Variants in MRTFB observed in about 807,000 individuals in gnomAD.
MRTFB encodes myocardin related transcription factor B, also known as myocardin-related transcription factor B.
In MRTFB, 29 loss-of-function variants were observed where a neutral mutation model predicts 104.2. The observed-to-expected ratio is 0.28, with a 90% CI of 0.21 to 0.38. The LOEUF (loss-of-function observed/expected upper bound fraction) is 0.38. Among genes scored for constraint, MRTFB ranks in the 10% least tolerant of loss-of-function variants. The pLI is 1.00. For synonymous variants in MRTFB, 535 were observed against 519.5 expected (o/e 1.03, Z -0.41); for missense variants, 1,270 against 1,341.6 (o/e 0.95, Z 0.83).
At chr16:14,224,472 T>C (rs963185296) in intron 8 of MRTFB, among the ~76,000 whole-genome samples, 1 of 152,196 alleles carries the variant, frequency 6.6e-6, no homozygotes, top group African/African-American at 2.4e-5. Context: ...GTGCAGCCCA[T>C]TGTTGACCAC....
chr16:14,124,183 C>A (rs1423805405), intron 2 of MRTFB, among the ~76,000 whole-genome samples: 3 of 152,148 alleles, frequency 2.0e-5, no homozygotes, highest in African/African-American at 7.2e-5. Context: ...ATGGGGTTTT[C>A]TAAATATATA....
At chr16:14,233,781 CAAAAA>C (rs1007606658) in intron 8 of MRTFB, among the ~76,000 whole-genome samples, 2 of 49,994 alleles carry the variant, frequency 4.0e-5, no homozygotes, top group African/African-American at 7.0e-5. Context: ...GACTCCCTCT[CAAAAA>C]AAAAAAAAAA....
chr16:14,158,628 T>C (rs2038916644), intron 3 of MRTFB, among the ~76,000 whole-genome samples: 1 of 152,200 alleles, frequency 6.6e-6, no homozygotes, highest in Non-Finnish European at 1.5e-5. Flanking sequence ...GATGCTTTTA[T>C]TTTTTATGTA....
At chr16:14,029,445 T>C in the MRTFB span, among the ~76,000 whole-genome samples, 15,323 of 85,778 alleles carry the variant, frequency 0.18, 3,009 homozygotes, top group African/African-American at 0.5. Flanking sequence ...TATATATATA[T>C]ACACACACAC....
At chr16:14,184,384 A>T (rs1207679639) in intron 3 of MRTFB, among the ~76,000 whole-genome samples, 1 of 152,030 alleles carries the variant, frequency 6.6e-6, no homozygotes, top group Admixed American at 6.6e-5. Context: ...TACCATGCCC[A>T]GCTAATTTTT....
At chr16:14,189,444 A>G (rs1454667085) in intron 3 of MRTFB, among the ~76,000 whole-genome samples, 1 of 152,294 alleles carries the variant, frequency 6.6e-6, no homozygotes, top group East Asian at 1.9e-4. Flanking sequence ...CAGTTGTTCA[A>G]ATACTTTTGG....
At chr16:14,004,628 T>G in the MRTFB span, among the ~76,000 whole-genome samples, 8 of 152,078 alleles carry the variant, frequency 5.3e-5, no homozygotes, top group Non-Finnish European at 1.2e-4. Flanking sequence ...TTGGATGACA[T>G]TGAGACCTGA....
chr16:14,225,244 T>C (rs1389132245), intron 8 of MRTFB, among the ~76,000 whole-genome samples: 1 of 152,190 alleles, frequency 6.6e-6, no homozygotes, highest in Non-Finnish European at 1.5e-5. Flanking sequence ...ATTATAATTT[T>C]GGTCTGTAAC....
chr16:14,140,921 T>G, intron 3 of MRTFB, 161 bp downstream of exon 3: 1 of 629,300 alleles, frequency 1.6e-6, no homozygotes, highest in South Asian at 2.4e-5. Flanking sequence ...CAGGCAGAAT[T>G]TCACTTTCCA....
At chr16:14,158,880 G>A (rs746339391) in intron 3 of MRTFB, among the ~76,000 whole-genome samples, 5 of 151,582 alleles carry the variant, frequency 3.3e-5, no homozygotes, top group Non-Finnish European at 7.4e-5. Flanking sequence ...GCCTGTAATC[G>A]CAGCCACTTG....
chr16:14,038,896 A>G, the MRTFB span, among the ~76,000 whole-genome samples: 35 of 152,178 alleles, frequency 2.3e-4, no homozygotes, highest in Non-Finnish European at 3.8e-4. Flanking sequence ...CAAAAGGCAC[A>G]TCTTACATGG....
the MRTFB span, among the ~76,000 whole-genome samples, chr16:14,042,578 A>T: frequency 1.3e-5 from 2 of 152,232 alleles, no homozygotes; most frequent in African/African-American, 4.8e-5. Context: ...CCCAAATCAC[A>T]GGGCTCATCA....
At chr16:14,233,182 G>A (rs375058277) in intron 8 of MRTFB, among the ~76,000 whole-genome samples, 1 of 152,124 alleles carries the variant, frequency 6.6e-6, no homozygotes, top group African/African-American at 2.4e-5. Context: ...GTTAATTTTG[G>A]CCTGGGTAAC....
At chr16:14,223,991 G>C (rs769977720) in intron 8 of MRTFB, among the ~76,000 whole-genome samples, 3 of 152,158 alleles carry the variant, frequency 2.0e-5, no homozygotes, top group African/African-American at 7.2e-5. Flanking sequence ...ACAGTTCCAC[G>C]GGCTGTACAG....
intron 10 of MRTFB, among the ~76,000 whole-genome samples, chr16:14,245,129 G>A (rs531626679): frequency 1.1e-4 from 17 of 152,274 alleles, no homozygotes; most frequent in African/African-American, 2.9e-4. Flanking sequence ...TCAAGGGTCC[G>A]GGTATGCAGA....
At chr16:14,059,472 A>C in the MRTFB span, among the ~76,000 whole-genome samples, 1 of 152,098 alleles carries the variant, frequency 6.6e-6, no homozygotes, top group Admixed American at 6.6e-5. Context: ...TTTTAGTATA[A>C]GTGTTAGGAT....
intron 14 of MRTFB, 125 bp from the exon 15 acceptor site, chr16:14,252,240 A>G: frequency 2.1e-6 from 3 of 1,436,672 alleles, no homozygotes; most frequent in Non-Finnish European, 2.8e-6. Context: ...ACAGGTGCTT[A>G]AAAGAACCTG....
the MRTFB span, among the ~76,000 whole-genome samples, chr16:14,054,270 G>A: frequency 1.3e-5 from 2 of 152,050 alleles, no homozygotes; most frequent in Non-Finnish European, 2.9e-5. Flanking sequence ...AGGCTGGAGT[G>A]CAGTGGTGCA....
the MRTFB span, among the ~76,000 whole-genome samples, chr16:14,059,051 C>G: frequency 6.6e-6 from 1 of 152,006 alleles, no homozygotes; most frequent in Non-Finnish European, 1.5e-5. Context: ...CTTTGTATAA[C>G]TCATTATTGA....
Sources: gnomAD v4.1 joint callset for allele counts (sites outside exome capture counted in the v4.1 genomes callset) on GRCh38, gnomAD v4.1.1 for gene constraint, MANE v1.5 for transcripts, NCBI Gene and HGNC (gene_info 2026-07-23, HGNC 2026-07-21) for gene names.